Variants in TTC3 observed in about 807,000 individuals in gnomAD.
TTC3 encodes the protein E3 ubiquitin-protein ligase TTC3.
Under a neutral mutation model 249.6 loss-of-function variants are expected in TTC3, and 180 were observed. The ratio of observed to expected loss-of-function variants is 0.72; its 90% CI spans 0.64 to 0.82. The LOEUF (loss-of-function observed/expected upper bound fraction) is 0.82, where lower values mean the gene tolerates loss of function less well. TTC3 is among the 40% of genes least tolerant of loss of function. TTC3 has a pLI of 0.00. For missense variants in TTC3, 2,061 were observed against 2,398.4 expected (o/e 0.86, Z 2.94); for synonymous variants, 717 against 805.0 (o/e 0.89, Z 1.85).
intron 17 of TTC3, among the ~76,000 whole-genome samples, chr21:37,134,778 G>A (rs1213920804): frequency 1.3e-5 from 2 of 152,148 alleles, no homozygotes; most frequent in African/African-American, 4.8e-5. Context: ...GCACATGATA[G>A]CAATTTTGTT....
intron 15 of TTC3, among the ~76,000 whole-genome samples, chr21:37,127,702 G>A (rs982376267): frequency 6.6e-6 from 1 of 152,076 alleles, no homozygotes; most frequent in Non-Finnish European, 1.5e-5. Context: ...CTTGTTTGTT[G>A]GGTGGTTGGT....
chr21:37,095,001 T>TG (rs1353917638), intron 8 of TTC3, among the ~76,000 whole-genome samples: 1 of 151,896 alleles, frequency 6.6e-6, no homozygotes, highest in Non-Finnish European at 1.5e-5. Context: ...CTTGGCATGG[T>TG]GGGGTGCACT....
chr21:37,132,221 T>C (rs953218943), intron 16 of TTC3, among the ~76,000 whole-genome samples: 1 of 152,238 alleles, frequency 6.6e-6, no homozygotes, highest in Non-Finnish European at 1.5e-5. Context: ...GGCCAACTTG[T>C]ATGGCTCACC....
chr21:37,191,221 T>A, intron 39 of TTC3, 113 bp from the exon 40 acceptor site: 1 of 651,084 alleles, frequency 1.5e-6, no homozygotes, highest in Non-Finnish European at 2.5e-6. Context: ...TGGATTTTTG[T>A]GTGTATGTGA....
exon 25 of TTC3, chr21:37,150,830 A>G (rs201500545): frequency 1.4e-5 from 23 of 1,610,944 alleles, no homozygotes; most frequent in Non-Finnish European, 1.9e-5. Context: ...TTTGAACACA[A>G]GGTCATAAAA....
At chr21:37,167,059 T>C (rs1278652161) in intron 33 of TTC3, among the ~76,000 whole-genome samples, 2 of 151,970 alleles carry the variant, frequency 1.3e-5, no homozygotes, top group Non-Finnish European at 2.9e-5. Context: ...ACTTAGCGCA[T>C]GAAGGAGGAA....
intron 44 of TTC3, among the ~76,000 whole-genome samples, chr21:37,198,260 T>G (rs1255461219): frequency 1.3e-5 from 2 of 152,196 alleles, no homozygotes; most frequent in Non-Finnish European, 2.9e-5. Flanking sequence ...TGCACATGAG[T>G]GACAAGGGCT....
At chr21:37,130,625 T>C (rs2077394143) in intron 16 of TTC3, among the ~76,000 whole-genome samples, 1 of 152,200 alleles carries the variant, frequency 6.6e-6, no homozygotes, top group Non-Finnish European at 1.5e-5. Flanking sequence ...CTTTTTGTCT[T>C]TTACAAAATA....
At chr21:37,186,829 G>A (rs766511231) in intron 37 of TTC3, among the ~76,000 whole-genome samples, 14 of 152,176 alleles carry the variant, frequency 9.2e-5, no homozygotes, top group Non-Finnish European at 1.8e-4. Flanking sequence ...CCCACCTAAT[G>A]TGCACTTCCA....
At chr21:37,095,073 C>G (rs961096919) in intron 8 of TTC3, among the ~76,000 whole-genome samples, 2 of 151,626 alleles carry the variant, frequency 1.3e-5, no homozygotes, top group African/African-American at 4.8e-5. Flanking sequence ...GAGATGGAGG[C>G]TGCAGTGAGC....
chr21:37,148,520 A>T, intron 22 of TTC3, 26 bp from the exon 23 acceptor site: 1 of 1,424,974 alleles, frequency 7.0e-7, no homozygotes, highest in Non-Finnish European at 9.5e-7. Context: ...TTAAAACGTT[A>T]ATTAAAAAAT....
At chr21:37,098,908 G>A (rs1011810200) in intron 10 of TTC3, 1 of 152,130 alleles carries the variant, frequency 6.6e-6, no homozygotes, top group African/African-American at 2.4e-5. Context: ...AGGGATGCTG[G>A]ATCTGCTGTG....
At chr21:37,126,822 G>T (rs951756331) in intron 15 of TTC3, among the ~76,000 whole-genome samples, 1 of 151,784 alleles carries the variant, frequency 6.6e-6, no homozygotes, top group East Asian at 1.9e-4. Context: ...AGTAGAAGGA[G>T]CAAGACAGCC....
At chr21:37,157,359 A>C (rs1377724707) in intron 28 of TTC3, 4 of 384,810 alleles carry the variant, frequency 1.0e-5, no homozygotes, top group African/African-American at 2.1e-5. Flanking sequence ...GTTGTGGCAC[A>C]GCTTCTTCCT....
intron 21 of TTC3, among the ~76,000 whole-genome samples, 186 bp from the exon 22 acceptor site, chr21:37,147,295 T>C (rs2079062492): frequency 6.6e-6 from 1 of 152,232 alleles, no homozygotes; most frequent in Admixed American, 6.5e-5. Flanking sequence ...ATCTCTCTTA[T>C]GTCTCTTATC....
chr21:37,201,959 CCTGTT>C (rs1268796364), exon 46 of TTC3: 2 of 179,220 alleles, frequency 1.1e-5, no homozygotes, highest in Admixed American at 6.1e-5. Context: ...GTTTGAAAAA[CCTGTT>C]CTGGTAGCTC....
Position 37,151,883 on chromosome 21 carries a change from T to C in TTC3, c.2277-10T>C. On this transcript the variant is annotated splice_polypyrimidine_tract_variant and intron_variant, in intron 25 of 45. Transcript: ENST00000355666. ...TCATTGAGTTGTCACTAATTGTAAA[T>C]GTTTATCAGCCTAGAGAAACTAAGA... is the stretch of plus-strand genomic sequence containing the variant. 1 of 1,565,234 alleles carries C rather than the reference T, an allele frequency of 6.4e-7. No individual in the cohort carries two copies. The highest frequency in any genetic ancestry group is 8.6e-7 in the Non-Finnish European group (1 of 1,164,200).
chr21:37,088,281 G>T, exon 4 of TTC3: 1 of 1,613,184 alleles, frequency 6.2e-7, no homozygotes, highest in Non-Finnish European at 8.5e-7. Context: ...ACATCTTCTG[G>T]CCACTTCTGT....
intron 10 of TTC3, chr21:37,097,941 G>A (rs1433587072): frequency 1.4e-6 from 1 of 712,600 alleles, no homozygotes; most frequent in Non-Finnish European, 2.6e-6. Context: ...AGAAAATTTG[G>A]AAAATACAAG....
Sources: allele counts gnomAD v4.1 joint callset (sites outside exome capture counted in the v4.1 genomes callset), GRCh38; gene constraint gnomAD v4.1.1; transcripts MANE v1.5; gene names NCBI Gene and HGNC (gene_info 2026-07-23, HGNC 2026-07-21).